The following BRIP1 variants were observed in gnomAD, a reference collection of about 807,000 sequenced individuals.
The protein encoded by BRIP1 is BRCA1 interacting DNA helicase 1.
BRIP1 carries 88 observed loss-of-function variants against 119.7 expected under a neutral mutation model. That is an observed-to-expected ratio of 0.74 (90% CI 0.62 to 0.88). The LOEUF is 0.88. Ranked by LOEUF, BRIP1 falls within the 40% of genes least tolerant of loss-of-function variation. The pLI is 0.00. For synonymous variants in BRIP1, 443 were observed against 496.5 expected (o/e 0.89, Z 1.43); for missense variants, 1,259 against 1,455.4 (o/e 0.87, Z 2.20).
chr17:61,836,834 G>C (rs1202153078), intron 6 of BRIP1, among the ~76,000 whole-genome samples: 1 of 152,138 alleles, frequency 6.6e-6, no homozygotes, highest in Non-Finnish European at 1.5e-5. Context: ...AATATGACCT[G>C]TAACAGTATA....
intron 6 of BRIP1, among the ~76,000 whole-genome samples, chr17:61,839,546 T>C (rs1172115114): frequency 2.0e-5 from 3 of 152,196 alleles, no homozygotes; most frequent in African/African-American, 7.2e-5. Flanking sequence ...CTGTTAAATT[T>C]ACTTTATGCA....
rs1361319893 is a variant in BRIP1 at position 61,798,943 on chromosome 17, G to A, written c.1340+157C>T. ...ATTCTTGTGAACAAGACAAAAGGTT[G>A]GACTAGCCTTGTTTTTAAAGCTTAA... On this transcript the variant is annotated intron_variant, in intron 9 of 19. Transcript: ENST00000259008. The surrounding 1 kb of genome is among the most constrained non-coding windows in gnomAD (Gnocchi z 5.5). 6.6e-6 allele frequency among the ~76,000 whole-genome samples: 1 copy of A among 152,004 alleles called. No homozygotes were observed. Among genetic ancestry groups the A allele is most frequent in the Non-Finnish European group, 1.5e-5 (1 of 67,960 alleles).
intron 13 of BRIP1, among the ~76,000 whole-genome samples, chr17:61,777,042 C>G (rs1455704902): frequency 6.6e-6 from 1 of 152,070 alleles, no homozygotes; most frequent in Non-Finnish European, 1.5e-5. Context: ...AAAATCACAC[C>G]CACCACATCT....
chr17:61,737,096 AAGGGAATCAAAAT>A (rs2076928956), intron 16 of BRIP1, among the ~76,000 whole-genome samples: 1 of 152,166 alleles, frequency 6.6e-6, no homozygotes, highest in Admixed American at 6.5e-5. Flanking sequence ...AAAAGGAAAG[AAGGGAATCAAAAT>A]AGTATACTAC....
intron 11 of BRIP1, among the ~76,000 whole-genome samples, chr17:61,782,382 G>A (rs1379733218): frequency 1.4e-4 from 7 of 48,468 alleles, no homozygotes; most frequent in Admixed American, 6.7e-4. Context: ...CGAGACTCCC[G>A]TCTCAGAAAA....
intron 14 of BRIP1, among the ~76,000 whole-genome samples, chr17:61,765,427 T>G (rs867507575): frequency 2.6e-5 from 1 of 38,178 alleles, no homozygotes; most frequent in Non-Finnish European, 5.3e-5. Flanking sequence ...ATATATATTT[T>G]TTTTTTTTTT....
rs927496025 is a variant in BRIP1 at position 61,824,469 on chromosome 17, G to A, written c.628-15712C>T. Reference sequence around the variant, plus strand: ...GTACTGGCATAAAAACAGAAATATAGACCAATGGAACAGAATAGAAATTCC... The same window carrying A: ...GTACTGGCATAAAAACAGAAATATAAACCAATGGAACAGAATAGAAATTCC... On this transcript the variant is annotated intron_variant, in intron 6 of 19. Coordinates refer to ENST00000259008, the MANE Select transcript of BRIP1 (RefSeq NM_032043.3). The surrounding 1 kb of genome is among the most constrained non-coding windows in gnomAD (Gnocchi z 4.3). 6.6e-6 allele frequency among the ~76,000 whole-genome samples: 1 copy of A among 152,114 alleles called. No homozygotes were observed. Among genetic ancestry groups the A allele is most frequent in the African/African-American group, 2.4e-5 (1 of 41,424 alleles).
chr17:61,776,446 G>C lies in BRIP1; in HGVS notation c.2052C>G (p.Cys684Trp), dbSNP rs2145028055. 6.2e-7 allele frequency: 1 copy of C among 1,614,092 alleles called. No individual in the cohort carries two copies. Among genetic ancestry groups the C allele is most frequent in the Non-Finnish European group, 8.5e-7 (1 of 1,180,008 alleles). ...ACAAAATTCCTTGGCTCACAGTCTG[G>C]CACACAGATAACAAAAGTGCTCCCA... ...DEVGALLLSV[C>W]QTVSQGILCF... is the part of the protein sequence containing the mutation. The change falls in exon 14 of 20, where the codon TGC becomes TGG. Residue 684 changes from cysteine to tryptophan, a missense_variant. Physicochemically the swap from Cys to Trp is radical, Grantham distance 215 (BLOSUM62 -2). This residue lies in a region of BRIP1 where 753 missense variants were observed against 891.8 expected (regional missense o/e 0.84). Transcript: ENST00000259008. The surrounding 1 kb of genome is among the most constrained non-coding windows in gnomAD (Gnocchi z 5.0).
At position 61,844,873 on chromosome 17, in the gene BRIP1, C is replaced by T. The variant is rs1286961494; in HGVS notation, c.627+2228G>A. Among the ~76,000 whole-genome samples the T allele has an allele frequency of 6.6e-6, 1 of 152,210 alleles. No individual in the cohort carries two copies. Among genetic ancestry groups the T allele is most frequent in the Admixed American group, 6.5e-5 (1 of 15,288 alleles). On this transcript the variant is annotated intron_variant, in intron 6 of 19. Coordinates refer to ENST00000259008, the MANE Select transcript of BRIP1 (RefSeq NM_032043.3). This position sits in a 1 kb window ranked among gnomAD's most constrained non-coding sequence, Gnocchi z 4.7. Reference sequence around the variant, plus strand: ...CCAGTTTCTTCCTTCTCAGAGTTTCCTCATCTGTACGATGGGAATACCAAT... The same window carrying T: ...CCAGTTTCTTCCTTCTCAGAGTTTCTTCATCTGTACGATGGGAATACCAAT...
rs2061433513 is a variant in BRIP1 at position 61,690,567 on chromosome 17, G to T, written c.2575+2863C>A. Among the ~76,000 whole-genome samples the T allele has an allele frequency of 6.6e-6, 1 of 152,116 alleles. No individual in the cohort carries two copies. The highest frequency in any genetic ancestry group is 1.5e-5 in the Non-Finnish European group (1 of 68,004). On this transcript the variant is annotated intron_variant, in intron 18 of 19. Coordinates refer to ENST00000259008, the MANE Select transcript of BRIP1 (RefSeq NM_032043.3). The surrounding 1 kb of genome is among the most constrained non-coding windows in gnomAD (Gnocchi z 5.6). The stretch of plus-strand genomic sequence containing the variant: ...TATAGAAGGTATACAAAAGAAAAAT[G>T]AGAAAGGAATCAAAGCATTTTTCTT...
Position 61,760,879 on chromosome 17 carries a change from G to A in BRIP1, c.2097+15522C>T, listed in dbSNP as rs1350410148. Among the ~76,000 whole-genome samples, 1 of 151,974 alleles carries A rather than the reference G, an allele frequency of 6.6e-6. No homozygotes were observed. Among genetic ancestry groups the A allele is most frequent in the Non-Finnish European group, 1.5e-5 (1 of 67,920 alleles). On this transcript the variant is annotated intron_variant, in intron 14 of 19. Coordinates refer to ENST00000259008, the MANE Select transcript of BRIP1 (RefSeq NM_032043.3). This position sits in a 1 kb window ranked among gnomAD's most constrained non-coding sequence, Gnocchi z 4.6. ...TGCTTTCAAAGAAGTTGAAAAGGAGGATATACTTCTAAATTCTTTTTACAT... is the reference window on the plus strand; with the variant it reads ...TGCTTTCAAAGAAGTTGAAAAGGAGAATATACTTCTAAATTCTTTTTACAT...
chr17:61,787,949 T>C (rs1257511585), intron 10 of BRIP1, among the ~76,000 whole-genome samples: 1 of 152,096 alleles, frequency 6.6e-6, no homozygotes, highest in Non-Finnish European at 1.5e-5. Flanking sequence ...TGGCCCAGGA[T>C]GTCTTTTTCA....
At chr17:61,737,989 C>A (rs2144632824) in intron 16 of BRIP1, among the ~76,000 whole-genome samples, 1 of 152,316 alleles carries the variant, frequency 6.6e-6, no homozygotes, top group South Asian at 2.1e-4. Context: ...TTTGACTTAA[C>A]TGCTTACAGT....
rs1416074095 is a variant in BRIP1, at chr17:61,681,007, C to G, written c.*2289G>C. Among the ~76,000 whole-genome samples, 5 of 152,074 alleles carry G rather than the reference C, an allele frequency of 3.3e-5. No homozygotes were observed. Among genetic ancestry groups the G allele is most frequent in the Non-Finnish European group, 7.4e-5 (5 of 68,018 alleles). On this transcript the variant is annotated 3_prime_UTR_variant, in exon 20 of 20. Coordinates refer to ENST00000259008, the MANE Select transcript of BRIP1 (RefSeq NM_032043.3). This position sits in a 1 kb window ranked among gnomAD's most constrained non-coding sequence, Gnocchi z 5.1. ...AGAAACTTACAATCATGGCGGAAGG[C>G]AACTTTTCACAGGGCAGCAGGAGAG... is the stretch of plus-strand genomic sequence containing the variant.
At chr17:61,813,256 T>TAA (rs368563689) in intron 6 of BRIP1, among the ~76,000 whole-genome samples, 1 of 143,808 alleles carries the variant, frequency 7.0e-6, no homozygotes. Context: ...AATGAAACAG[T>TAA]AAAAAAAAAA....
At position 61,822,181 on chromosome 17, in the gene BRIP1, T is replaced by C. The variant is rs1423855689; in HGVS notation, c.628-13424A>G. 1.3e-5 allele frequency among the ~76,000 whole-genome samples: 2 copies of C among 151,996 alleles called. No individual in the cohort carries two copies. ...GTAAATGACAAAAAATAAAAGACAA[T>C]AAAAGAAGAAGAAAAGCTATTTGAC... On this transcript the variant is annotated intron_variant, in intron 6 of 19. Coordinates refer to ENST00000259008, the MANE Select transcript of BRIP1 (RefSeq NM_032043.3). The surrounding 1 kb of genome is among the most constrained non-coding windows in gnomAD (Gnocchi z 4.4).
intron 14 of BRIP1, among the ~76,000 whole-genome samples, chr17:61,765,370 G>A (rs182067523): frequency 7.6e-5 from 7 of 91,756 alleles, no homozygotes; most frequent in Non-Finnish European, 1.4e-4. Context: ...GTGTGTGTGT[G>A]TGTATATATT....
intron 13 of BRIP1, among the ~76,000 whole-genome samples, chr17:61,779,017 A>G (rs1197735729): frequency 6.6e-6 from 1 of 152,228 alleles, no homozygotes. Context: ...ACTTTAAAAT[A>G]TTTCATAAAA....
chr17:61,799,980 TCA>T lies in BRIP1; in HGVS notation c.1141-683_1141-682del. On this transcript the variant is annotated intron_variant, in intron 8 of 19. Coordinates refer to ENST00000259008, the MANE Select transcript of BRIP1 (RefSeq NM_032043.3). The surrounding 1 kb of genome is among the most constrained non-coding windows in gnomAD (Gnocchi z 5.1). Reference sequence around the variant, plus strand: ...AATAGAGTATTCCATCCTTCTGTGGTCACAGTGACTGGTTCAGGTTCAGGAAC... The same window carrying T: ...AATAGAGTATTCCATCCTTCTGTGGTCAGTGACTGGTTCAGGTTCAGGAAC... 6.6e-6 allele frequency among the ~76,000 whole-genome samples: 1 copy of T among 152,042 alleles called. No individual in the cohort carries two copies. Among genetic ancestry groups the T allele is most frequent in the East Asian group, 1.9e-4 (1 of 5,170 alleles).
Sources: allele counts gnomAD v4.1 joint callset (sites outside exome capture counted in the v4.1 genomes callset), GRCh38; gene constraint gnomAD v4.1.1; regional missense constraint gnomAD v4.1.1; non-coding constraint Gnocchi (gnomAD v3.1); transcripts MANE v1.5; gene names NCBI Gene and HGNC (gene_info 2026-07-23, HGNC 2026-07-21).